Variants in NAALADL2 observed in about 807,000 individuals in gnomAD.
NAALADL2 encodes N-acetylated alpha-linked acidic dipeptidase like 2.
In NAALADL2, 76 loss-of-function variants were observed where a neutral mutation model predicts 87.2. That is an observed-to-expected ratio of 0.87 (90% confidence interval 0.72 to 1.05). The LOEUF (loss-of-function observed/expected upper bound fraction) is 1.05. NAALADL2 is among the 50% of genes least tolerant of loss of function. The pLI, the probability that NAALADL2 is intolerant of heterozygous loss-of-function variation, is 0.00. For missense variants in NAALADL2, 1,089 were observed against 945.8 expected, an observed-to-expected ratio of 1.15 and a Z score of -1.99; for synonymous variants, 354 against 331.0, an observed-to-expected ratio of 1.07 and a Z score of -0.75.
intron 9 of NAALADL2, among the ~76,000 whole-genome samples, chr3:175,479,463 T>TTTC (rs1726152233): frequency 6.6e-6 from 1 of 151,768 alleles, no homozygotes; most frequent in East Asian, 1.9e-4. Context: ...ACATTTTCCT[T>TTTC]CAATCATCTT....
intron 1 of NAALADL2, among the ~76,000 whole-genome samples, chr3:174,895,733 A>G (rs1248597240): frequency 6.6e-6 from 1 of 152,072 alleles, no homozygotes. Context: ...AAACAAAAAA[A>G]CGAAAGCAAA....
At chr3:174,858,678 G>C (rs1726122044), upstream of NAALADL2, among the ~76,000 whole-genome samples, 2 of 151,962 alleles carry the variant, frequency 1.3e-5, no homozygotes. Context: ...GGGAGAGAAG[G>C]AAGAAGAAGG....
At chr3:175,684,316 T>C (rs1560971898) in intron 11 of NAALADL2, among the ~76,000 whole-genome samples, 1 of 152,170 alleles carries the variant, frequency 6.6e-6, no homozygotes, top group Non-Finnish European at 1.5e-5. Context: ...TCAAAGCCTA[T>C]AGTTAAGCTA....
chr3:175,722,736 GA>G (rs753265182), intron 11 of NAALADL2, among the ~76,000 whole-genome samples: 1 of 152,002 alleles, frequency 6.6e-6, no homozygotes, highest in East Asian at 1.9e-4. Context: ...TTGTTGATAG[GA>G]TTAAATTAAA....
At chr3:174,860,233 C>A (rs1391704099) in intron 1 of NAALADL2, among the ~76,000 whole-genome samples, 2 of 152,040 alleles carry the variant, frequency 1.3e-5, no homozygotes, top group Non-Finnish European at 2.9e-5. Context: ...AATATATCAC[C>A]TATTTTATAG....
rs572343627 is a variant in NAALADL2, at chr3:175,313,846, C to T, written c.940-10329C>T. On this transcript the variant is annotated intron_variant, in intron 4 of 13. Transcript: ENST00000454872. Reference sequence around the variant, plus strand: ...TTGGGAGGCCTAGGCAGGTGGATCACGAGGTCAGGAGATCAAGACCATCTT... The same window carrying T: ...TTGGGAGGCCTAGGCAGGTGGATCATGAGGTCAGGAGATCAAGACCATCTT... Among the ~76,000 whole-genome samples, 6 of 152,068 alleles carry T rather than the reference C, an allele frequency of 3.9e-5. No individual in the cohort carries two copies. In the East Asian group the frequency reaches 1.2e-3, roughly 29 times the overall value.
chr3:174,719,179 TATTC>T (rs1731479055), intron 2 of NAALADL2, among the ~76,000 whole-genome samples: 1 of 152,194 alleles, frequency 6.6e-6, no homozygotes, highest in African/African-American at 2.4e-5. Flanking sequence ...TATTTAAAAA[TATTC>T]AGGTTATTTG....
At chr3:174,621,415 A>C (rs1470268670) in intron 2 of NAALADL2, among the ~76,000 whole-genome samples, 5 of 152,150 alleles carry the variant, frequency 3.3e-5, no homozygotes, top group Admixed American at 3.3e-4. Flanking sequence ...TCTTAGAGCT[A>C]AGATTTAACT....
intron 2 of NAALADL2, among the ~76,000 whole-genome samples, chr3:175,200,200 A>G (rs1002476687): frequency 1.3e-5 from 2 of 151,872 alleles, no homozygotes; most frequent in Admixed American, 6.6e-5. Context: ...GTGGGCTATG[A>G]ATGTTTGAAA....
At chr3:175,513,446 A>G (rs1442892947) in intron 9 of NAALADL2, among the ~76,000 whole-genome samples, 1 of 152,196 alleles carries the variant, frequency 6.6e-6, no homozygotes, top group East Asian at 1.9e-4. Flanking sequence ...ATTACTGAAA[A>G]TTATTTTCTG....
At position 175,399,024 on chromosome 3, in the gene NAALADL2, C is replaced by T. The variant is rs1446321990; in HGVS notation, c.1091-48205C>T. 2.7e-5 allele frequency among the ~76,000 whole-genome samples: 4 copies of T among 150,818 alleles called. No individual in the cohort carries two copies. In the East Asian group the frequency reaches 7.8e-4, roughly 29 times the overall value. On this transcript the variant is annotated intron_variant, in intron 5 of 13. Transcript: ENST00000454872. The stretch of plus-strand genomic sequence containing the variant: ...AGGAGGAATGTGTCCACCCTAGGTA[C>T]AATTTTTTTTAACCTAGTTAAAAAA...
At chr3:174,459,093 CAGTG>C (rs747504095) in intron 1 of NAALADL2, 7 of 152,274 alleles carry the variant, frequency 4.6e-5, no homozygotes, top group Admixed American at 6.5e-5. Flanking sequence ...AAAGATTATG[CAGTG>C]AGCTTTTTCA....
intron 2 of NAALADL2, among the ~76,000 whole-genome samples, chr3:174,581,423 A>G (rs755543488): frequency 2.3e-4 from 35 of 152,162 alleles, no homozygotes; most frequent in Non-Finnish European, 1.5e-5. Context: ...AGAGAAGCAG[A>G]TTAATAATAT....
chr3:175,278,928 A>C (rs1753929439), intron 4 of NAALADL2, among the ~76,000 whole-genome samples: 1 of 152,204 alleles, frequency 6.6e-6, no homozygotes, highest in Non-Finnish European at 1.5e-5. Context: ...CTTACAATGC[A>C]ACTTCCCTAA....
At chr3:174,918,860 G>A (rs1007887300) in intron 1 of NAALADL2, among the ~76,000 whole-genome samples, 1 of 151,894 alleles carries the variant, frequency 6.6e-6, no homozygotes, top group Non-Finnish European at 1.5e-5. Flanking sequence ...AAAGAATTAT[G>A]GCCACTTTTA....
chr3:174,927,647 T>G (rs1447356923), intron 1 of NAALADL2, among the ~76,000 whole-genome samples: 1 of 152,186 alleles, frequency 6.6e-6, no homozygotes, highest in Non-Finnish European at 1.5e-5. Context: ...ATAAAGATGT[T>G]CTTTGAAACC....
chr3:175,172,196 A>C (rs536207900), intron 2 of NAALADL2, among the ~76,000 whole-genome samples: 18 of 152,270 alleles, frequency 1.2e-4, no homozygotes, highest in African/African-American at 3.6e-4. Context: ...GTATCCATAA[A>C]AAGATACATT....
At chr3:175,306,054 A>G (rs975225977) in intron 4 of NAALADL2, among the ~76,000 whole-genome samples, 1 of 151,940 alleles carries the variant, frequency 6.6e-6, no homozygotes, top group Non-Finnish European at 1.5e-5. Context: ...ACAATAATTT[A>G]TCTATTTTCT....
chr3:175,618,762 G>A (rs934644170), intron 10 of NAALADL2, among the ~76,000 whole-genome samples: 1 of 152,150 alleles, frequency 6.6e-6, no homozygotes, highest in African/African-American at 2.4e-5. Context: ...AGGAATGTGA[G>A]TGCGAATTCC....
Sources: allele counts gnomAD v4.1 joint callset (sites outside exome capture counted in the v4.1 genomes callset), GRCh38; gene constraint gnomAD v4.1.1; transcripts MANE v1.5; gene names NCBI Gene and HGNC (gene_info 2026-07-23, HGNC 2026-07-21).